The following DNAI3 variants were observed in gnomAD, a reference collection of about 807,000 sequenced individuals.
DNAI3 encodes the protein dynein axonemal intermediate chain 3.
A neutral mutation model predicts 115.5 loss-of-function variants in DNAI3; 83 were observed. That is an observed-to-expected ratio of 0.72 (90% CI 0.60 to 0.86). DNAI3 has a LOEUF of 0.86. DNAI3 is among the 40% of genes least tolerant of loss of function. DNAI3 has a pLI of 0.00. For synonymous variants in DNAI3, 320 were observed against 347.0 expected, an observed-to-expected ratio of 0.92 and a Z score of 0.86; for missense variants, 1,004 against 1,075.8, an observed-to-expected ratio of 0.93 and a Z score of 0.93.
chr1:85,101,788 CA>C (rs1655328340), intron 13 of DNAI3, among the ~76,000 whole-genome samples: 1 of 128,108 alleles, frequency 7.8e-6, no homozygotes, highest in Admixed American at 7.6e-5. Context: ...ACAATAAAAT[CA>C]AAATAGAGTA....
chr1:85,130,713 A>T (rs560153751), intron 22 of DNAI3, among the ~76,000 whole-genome samples: 18 of 148,238 alleles, frequency 1.2e-4, no homozygotes, highest in African/African-American at 4.3e-4. Flanking sequence ...AGATAGATAG[A>T]TAGATAAATA....
chr1:85,072,930 G>C, intron 2 of DNAI3, 124 bp from the exon 3 acceptor site: 1 of 470,134 alleles, frequency 2.1e-6, no homozygotes, highest in Non-Finnish European at 3.5e-6. Context: ...CCTCCAGCCT[G>C]GGCGACAGAG....
At chr1:85,076,616 G>C (rs1036517268) in intron 3 of DNAI3, among the ~76,000 whole-genome samples, 3 of 152,218 alleles carry the variant, frequency 2.0e-5, no homozygotes, top group Admixed American at 6.5e-5. Flanking sequence ...GCAGGCAAGA[G>C]AGCGTGTGTA....
At chr1:85,089,400 A>G (rs992323512) in intron 7 of DNAI3, among the ~76,000 whole-genome samples, 1 of 149,662 alleles carries the variant, frequency 6.7e-6, no homozygotes, top group Admixed American at 6.7e-5. Flanking sequence ...CACCCAGTCT[A>G]ATACTTGAGA....
At position 85,126,503 on chromosome 1, in the gene DNAI3, G is replaced by T. The variant is rs147802675; in HGVS notation, c.2113-8G>T. ...TCTTTATTTGTCTTTTTAAAAATTT[G>T]TTTAAAGACTGGACCGCTCCTTCAG... On this transcript the variant is annotated splice_region_variant and splice_polypyrimidine_tract_variant and intron_variant, in intron 19 of 22. Transcript: ENST00000294664. 7.5e-4 allele frequency: 1,201 copies of T among 1,597,648 alleles called. 12 individuals carry two copies. In the African/African-American group the frequency reaches 0.014, roughly 19 times the overall value.
intron 2 of DNAI3, 115 bp downstream of exon 2, chr1:85,072,120 A>T: frequency 9.8e-7 from 1 of 1,015,860 alleles, no homozygotes; most frequent in South Asian, 1.7e-5. Context: ...TGTGACATAA[A>T]GTCAAATGTA....
At position 85,086,047 on chromosome 1, in the gene DNAI3, T is replaced by G. The variant is rs528277512; in HGVS notation, c.740+17T>G. On this transcript the variant is annotated intron_variant, in intron 7 of 22. Coordinates refer to ENST00000294664, the MANE Select transcript of DNAI3 (RefSeq NM_145172.5). ...GACAAAATGGTAAGTATGTGATGGG[T>G]GTATGTAATTTTATAGCCAGTTACA... 6.2e-7 allele frequency: 1 copy of G among 1,607,806 alleles called. No homozygotes were observed. Among genetic ancestry groups the G allele is most frequent in the Non-Finnish European group, 8.5e-7 (1 of 1,177,238 alleles).
chr1:85,070,459 C>T (rs1225119455), intron 1 of DNAI3, among the ~76,000 whole-genome samples: 6 of 147,690 alleles, frequency 4.1e-5, no homozygotes, highest in Non-Finnish European at 7.5e-5. Flanking sequence ...CTCTGTGTCC[C>T]TTCAGGAGAG....
At chr1:85,090,387 T>C (rs185226988) in intron 8 of DNAI3, among the ~76,000 whole-genome samples, 155 bp downstream of exon 8, 1 of 152,350 alleles carries the variant, frequency 6.6e-6, no homozygotes, top group African/African-American at 2.4e-5. Context: ...TCTCAATATT[T>C]ATTTCCTTTC....
At chr1:85,084,277 T>TATATATATATATATATATATATATAC (rs59205168) in intron 5 of DNAI3, among the ~76,000 whole-genome samples, 1 of 128,472 alleles carries the variant, frequency 7.8e-6, no homozygotes, top group East Asian at 2.5e-4. Flanking sequence ...TATATATATA[T>TATATATATATATATATATATATATAC]ACACATCCAT....
chr1:85,121,719 T>C (rs1374442230), intron 17 of DNAI3, 32 bp from the exon 18 acceptor site: 2 of 1,602,934 alleles, frequency 1.2e-6, no homozygotes, highest in African/African-American at 1.3e-5. Context: ...TAAGTTGTCA[T>C]TGTACTCATC....
chr1:85,075,199 G>T (rs577975562), intron 3 of DNAI3, among the ~76,000 whole-genome samples: 31 of 152,104 alleles, frequency 2.0e-4, no homozygotes, highest in Non-Finnish European at 3.1e-4. Flanking sequence ...AGCCCAGTTT[G>T]TATCTATGAG....
intron 14 of DNAI3, 55 bp from the exon 15 acceptor site, chr1:85,107,978 T>C: frequency 6.1e-6 from 8 of 1,320,472 alleles, no homozygotes; most frequent in Non-Finnish European, 8.0e-6. Context: ...ATGGTAGTCC[T>C]GAGGCTGCAC....
intron 18 of DNAI3, among the ~76,000 whole-genome samples, chr1:85,122,179 C>G (rs746923669): frequency 9.2e-5 from 14 of 152,144 alleles, no homozygotes; most frequent in Non-Finnish European, 1.3e-4. Context: ...TTCAATAATT[C>G]AATAACCTGG....
intron 19 of DNAI3, among the ~76,000 whole-genome samples, chr1:85,125,450 T>C (rs912344104): frequency 1.3e-5 from 2 of 152,058 alleles, no homozygotes; most frequent in African/African-American, 4.8e-5. Context: ...AAACTGTATA[T>C]TTATCATTGA....
chr1:85,107,944 C>A, intron 14 of DNAI3, 89 bp from the exon 15 acceptor site: 1 of 917,368 alleles, frequency 1.1e-6, no homozygotes, highest in Non-Finnish European at 1.5e-6. Flanking sequence ...GCCATGGTCA[C>A]AATGCTAATA....
At chr1:85,110,776 G>A (rs2100600390) in intron 16 of DNAI3, among the ~76,000 whole-genome samples, 1 of 152,112 alleles carries the variant, frequency 6.6e-6, no homozygotes, top group Non-Finnish European at 1.5e-5. Flanking sequence ...TAATGCTATA[G>A]GATGGAACAC....
intron 21 of DNAI3, among the ~76,000 whole-genome samples, chr1:85,129,303 A>G (rs1021298635): frequency 6.6e-6 from 1 of 152,244 alleles, no homozygotes; most frequent in Admixed American, 6.5e-5. Flanking sequence ...AGATCAATGA[A>G]TAGAAATATA....
Position 85,124,133 on chromosome 1 carries a change from T to C in DNAI3, c.1994T>C (p.Val665Ala). ...TTCACTCCAATAGCAAAGAAGCCAG[T>C]GAGCCACCACACCATTCACGACGGA... ...ETGRLMSKKP[V>A]SHHTIHDGTV... Residue 665 changes from valine to alanine, a missense_variant, in exon 19 of 23, where the codon GTG (valine) becomes GCG (alanine). Val to Ala is a moderately conservative substitution (Grantham distance 64, BLOSUM62 0). Around this residue, in one of 3 missense-constraint regions of DNAI3, gnomAD observed 429 missense variants for 454.3 expected, o/e 0.94. Coordinates refer to ENST00000294664, the MANE Select transcript of DNAI3 (RefSeq NM_145172.5). The C allele has an allele frequency of 6.2e-7, 1 of 1,614,176 alleles. No homozygotes were observed. Among genetic ancestry groups the C allele is most frequent in the Non-Finnish European group, 8.5e-7 (1 of 1,180,004 alleles).
Sources: allele counts gnomAD v4.1 joint callset (sites outside exome capture counted in the v4.1 genomes callset), GRCh38; gene constraint gnomAD v4.1.1; regional missense constraint gnomAD v4.1.1; transcripts MANE v1.5; gene names NCBI Gene and HGNC (gene_info 2026-07-23, HGNC 2026-07-21).